LPCAT2: variants seen among roughly 807,000 people sequenced by gnomAD.
The protein encoded by LPCAT2 is 1-AGP acyltransferase 11.
LPCAT2 carries 58 observed loss-of-function variants against 64.7 expected under a neutral mutation model. That is an observed-to-expected ratio of 0.90 (90% CI 0.73 to 1.12). The LOEUF is 1.12. Among genes scored for constraint, LPCAT2 ranks in the 50% most tolerant of loss-of-function variants. LPCAT2 has a pLI of 0.00. For missense variants in LPCAT2, 579 were observed against 669.8 expected (o/e 0.86, Z 1.50); for synonymous variants, 252 against 245.3 (o/e 1.03, Z -0.26).
chr16:55,510,692 G>C (rs1422383151), intron 1 of LPCAT2, among the ~76,000 whole-genome samples: 1 of 152,114 alleles, frequency 6.6e-6, no homozygotes, highest in Non-Finnish European at 1.5e-5. Context: ...ATACTGCTTT[G>C]TGAGGAAATT....
chr16:55,534,832 C>A (rs1963303691), intron 7 of LPCAT2, among the ~76,000 whole-genome samples: 2 of 152,084 alleles, frequency 1.3e-5, no homozygotes, highest in Admixed American at 1.3e-4. Flanking sequence ...GTGTCTCTAT[C>A]CTTACTTACT....
intron 13 of LPCAT2, among the ~76,000 whole-genome samples, chr16:55,582,346 A>G (rs1358653459): frequency 2.0e-5 from 3 of 152,168 alleles, no homozygotes; most frequent in African/African-American, 7.2e-5. Context: ...GTTCACCCCT[A>G]AAGTATGTAC....
At chr16:55,578,365 G>A (rs883180) in intron 12 of LPCAT2, among the ~76,000 whole-genome samples, 81,505 of 151,866 alleles carry the variant, frequency 0.54, 22,168 homozygotes, top group East Asian at 0.73. Flanking sequence ...CTCATTTGGC[G>A]CTTGTTCTGT....
intron 1 of LPCAT2, among the ~76,000 whole-genome samples, chr16:55,510,999 A>G (rs956680514): frequency 6.6e-6 from 1 of 152,214 alleles, no homozygotes; most frequent in African/African-American, 2.4e-5. Context: ...TGAGAGTTAT[A>G]GTATAATGGA....
chr16:55,541,015 A>G (rs9938915), intron 8 of LPCAT2: 13,490 of 152,208 alleles, frequency 0.089, 864 homozygotes, highest in African/African-American at 0.17. Context: ...GAAAGAATAG[A>G]GAAGGATAGC....
At chr16:55,572,362 T>C (rs1963779749) in intron 11 of LPCAT2, among the ~76,000 whole-genome samples, 1 of 152,218 alleles carries the variant, frequency 6.6e-6, no homozygotes, top group Admixed American at 6.5e-5. Flanking sequence ...GTAACTTCAG[T>C]GTCCAGAAAT....
chr16:55,570,555 G>GC (rs1236456830), intron 11 of LPCAT2, among the ~76,000 whole-genome samples: 10 of 152,066 alleles, frequency 6.6e-5, no homozygotes, highest in African/African-American at 2.2e-4. Flanking sequence ...GATCGCTTGA[G>GC]CCCGGGGGGT....
chr16:55,537,636 A>C lies in LPCAT2; in HGVS notation c.852+4A>C. 6.2e-7 allele frequency: 1 copy of C among 1,612,870 alleles called. No homozygotes were observed. Among genetic ancestry groups the C allele is most frequent in the Non-Finnish European group, 8.5e-7 (1 of 1,179,204 alleles). On this transcript the variant is annotated splice_donor_region_variant and intron_variant, in intron 8 of 13. Transcript: ENST00000262134. The stretch of plus-strand genomic sequence containing the variant: ...CTTCACAAAGGTAGAAGTTGAGGTA[A>C]GTCATTCAAAATGTGGCCTTGGAAC...
intron 9 of LPCAT2, among the ~76,000 whole-genome samples, chr16:55,546,352 A>G (rs1376764868): frequency 6.6e-6 from 1 of 152,180 alleles, no homozygotes; most frequent in African/African-American, 2.4e-5. Flanking sequence ...GACTAGATAA[A>G]TCACCCCCTA....
At chr16:55,559,652 T>A (rs1045282541) in intron 11 of LPCAT2, among the ~76,000 whole-genome samples, 8 of 152,040 alleles carry the variant, frequency 5.3e-5, no homozygotes, top group African/African-American at 1.9e-4. Flanking sequence ...CCAGTTAACG[T>A]TTTATATGTA....
intron 11 of LPCAT2, among the ~76,000 whole-genome samples, chr16:55,558,053 T>C (rs1451026634): frequency 6.6e-6 from 1 of 152,228 alleles, no homozygotes; most frequent in Non-Finnish European, 1.5e-5. Context: ...TAATTTCGCT[T>C]CTTTATTTTC....
intron 11 of LPCAT2, chr16:55,557,076 C>T (rs1399942042): frequency 1.3e-5 from 2 of 152,094 alleles, no homozygotes; most frequent in Non-Finnish European, 2.9e-5. Context: ...GTTTGTTTTA[C>T]TTCTTTGTAT....
Position 55,583,266 on chromosome 16 carries a change from T to C in LPCAT2, c.*168T>C. On this transcript the variant is annotated 3_prime_UTR_variant, in exon 14 of 14. Transcript: ENST00000262134. ...AATGTTTTTATTAACCTTGCTTTTA[T>C]TGGAAAAAATCAAGCAATATTTCGT... 1.7e-6 allele frequency: 1 copy of C among 584,486 alleles called. No homozygotes were observed. Among genetic ancestry groups the C allele is most frequent in the Non-Finnish European group, 2.9e-6 (1 of 348,346 alleles). 36.2% of individuals were successfully genotyped at this position (584,486 alleles called of 1,614,324 possible). A position where few individuals can be genotyped will look rare whatever the true frequency, so the allele number is the denominator to read the frequency against.
intron 11 of LPCAT2, among the ~76,000 whole-genome samples, chr16:55,570,478 C>T (rs1320507994): frequency 3.9e-5 from 6 of 152,054 alleles, no homozygotes; most frequent in African/African-American, 1.4e-4. Context: ...TTTAAAAAAT[C>T]CCCACAACTA....
At chr16:55,554,450 T>A (rs1465995881) in intron 11 of LPCAT2, among the ~76,000 whole-genome samples, 1 of 152,214 alleles carries the variant, frequency 6.6e-6, no homozygotes, top group Non-Finnish European at 1.5e-5. Context: ...AGCTTCAATC[T>A]TTTCTTCTGC....
At chr16:55,529,563 T>C (rs1245991054) in intron 3 of LPCAT2, among the ~76,000 whole-genome samples, 1 of 152,210 alleles carries the variant, frequency 6.6e-6, no homozygotes, top group Non-Finnish European at 1.5e-5. Context: ...AGGTTTAATG[T>C]CAATTGAGGA....
chr16:55,525,773 C>A (rs573043417), intron 2 of LPCAT2, 126 bp downstream of exon 2: 53 of 525,178 alleles, frequency 1.0e-4, no homozygotes, highest in Non-Finnish European at 1.5e-4. Flanking sequence ...ACTATTTTAT[C>A]TGCCTACTCA....
intron 12 of LPCAT2, among the ~76,000 whole-genome samples, chr16:55,575,898 A>T (rs194176): frequency 1.3e-5 from 2 of 152,206 alleles, no homozygotes; most frequent in African/African-American, 4.8e-5. Flanking sequence ...AAAGTTTAAA[A>T]CCTTCAGCTT....
Position 55,583,245 on chromosome 16 carries a change from T to C in LPCAT2, c.*147T>C. 1.5e-6 allele frequency: 1 copy of C among 685,234 alleles called. No individual in the cohort carries two copies. The highest frequency in any genetic ancestry group is 2.3e-6 in the Non-Finnish European group (1 of 437,306). The allele number at this position is 685,234 out of a possible 1,614,324, so 42.4% of individuals were successfully genotyped here. A position where few individuals can be genotyped will look rare whatever the true frequency, so the allele number is the denominator to read the frequency against. On this transcript the variant is annotated 3_prime_UTR_variant, in exon 14 of 14. Transcript: ENST00000262134. ...ATGATAGATTTTCTTACTAAAAATG[T>C]TTTTATTAACCTTGCTTTTATTGGA...
Sources: allele counts gnomAD v4.1 joint callset (sites outside exome capture counted in the v4.1 genomes callset), GRCh38; gene constraint gnomAD v4.1.1; transcripts MANE v1.5; gene names NCBI Gene and HGNC (gene_info 2026-07-23, HGNC 2026-07-21).